Variants in ADAM8 observed in about 807,000 individuals in gnomAD.
ADAM8 encodes the protein disintegrin and metalloproteinase domain-containing protein 8.
In ADAM8, 104 loss-of-function variants were observed where a neutral mutation model predicts 102.4. The ratio of observed to expected loss-of-function variants is 1.02; its 90% CI spans 0.87 to 1.20. ADAM8 has a LOEUF of 1.20. Among genes scored for constraint, ADAM8 ranks in the 50% most tolerant of loss-of-function variants. The pLI, the probability that ADAM8 is intolerant of heterozygous loss-of-function variation, is 0.00. For synonymous variants in ADAM8, 517 were observed against 485.2 expected (o/e 1.07, Z -0.86); for missense variants, 1,132 against 1,159.0 (o/e 0.98, Z 0.34).
chr10:133,271,947 C>T lies in ADAM8; in HGVS notation c.965G>A (p.Ser322Asn). 1.2e-6 allele frequency: 2 copies of T among 1,610,928 alleles called. No homozygotes were observed. Among genetic ancestry groups the T allele is most frequent in the South Asian group, 2.2e-5 (2 of 91,056 alleles). The change falls in exon 11 of 23, where the codon AGC (serine) becomes AAC (asparagine). Residue 322 changes from serine (S) to asparagine (N), a missense_variant. Physicochemically the swap from Ser to Asn is conservative, Grantham distance 46. Coordinates refer to ENST00000445355, the MANE Select transcript of ADAM8 (RefSeq NM_001109.5). ...ACAGGCCACGCCCACGGGGTTCTTG[C>T]TGTGGTCCTGCAGGAGGGTCTGTGC... The part of the protein sequence containing the change: ...HSSGAVNQDH[S>N]KNPVGVACTM...
In ADAM8 at chr10:133,263,117, G is replaced by T; in HGVS notation, c.*39C>A. 1.9e-6 allele frequency: 3 copies of T among 1,610,148 alleles called. No homozygotes were observed. The highest frequency in any genetic ancestry group is 2.6e-6 in the Non-Finnish European group (3 of 1,176,450). ...TGCTGGAACGCATGGCTTCTCTGCC[G>T]CAACTTCTCCAAATTTCCACACAGG... On this transcript the variant is annotated 3_prime_UTR_variant, in exon 23 of 23. Transcript: ENST00000445355.
chr10:133,263,606 G>A, intron 22 of ADAM8, 82 bp downstream of exon 22: 1 of 1,406,798 alleles, frequency 7.1e-7, no homozygotes, highest in Non-Finnish European at 9.5e-7. Flanking sequence ...CACCCTCCAG[G>A]GCAGTGCCAC....
chr10:133,272,789 G>T lies in ADAM8; in HGVS notation c.705+9C>A. 6.2e-7 allele frequency: 1 copy of T among 1,603,974 alleles called. No individual in the cohort carries two copies. The highest frequency in any genetic ancestry group is 1.1e-5 in the South Asian group (1 of 90,660). On this transcript the variant is annotated intron_variant, in intron 8 of 22. Transcript: ENST00000445355. ...CTCTGGCACCTCTGCAGCCAGGACC[G>T]CTGCCCACCTTGTCCACGTGATTCA...
chr10:133,270,722 C>A lies in ADAM8; in HGVS notation c.1634+14G>T, dbSNP rs748994860. The A allele has an allele frequency of 6.9e-5, 102 of 1,470,066 alleles. No individual in the cohort carries two copies. The highest frequency in any genetic ancestry group is 8.3e-5 in the Non-Finnish European group (92 of 1,108,792). The allele number at this position is 1,470,066 out of a possible 1,614,324, so 91.1% of individuals were successfully genotyped here. On this transcript the variant is annotated intron_variant, in intron 15 of 22. Coordinates refer to ENST00000445355, the MANE Select transcript of ADAM8 (RefSeq NM_001109.5). ...AACAGCACATGTCCTGGGCCCAGGG[C>A]GGTCTCAGCTCACCTGTACCGGCTG... is the stretch of plus-strand genomic sequence containing the variant.
At chr10:133,269,273 C>T (rs1316234667) in intron 18 of ADAM8, 172 bp downstream of exon 18, 1 of 885,850 alleles carries the variant, frequency 1.1e-6, no homozygotes, top group Non-Finnish European at 1.4e-6. Context: ...CCCCTCCTCA[C>T]ATCAGCCTGG....
At chr10:133,276,698 G>A (rs1846769271) in intron 1 of ADAM8, 74 bp downstream of exon 1, 1 of 1,506,464 alleles carries the variant, frequency 6.6e-7, no homozygotes, top group Admixed American at 2.1e-5. Flanking sequence ...GGGGCTCGGG[G>A]TCCGCGTCGC....
rs201250612 is a variant in ADAM8, at chr10:133,272,526, C to T, written c.765G>A (p.Gln255=). ...VLVGLEIWNS[Q]DRFHVSPDPS... is the part of the protein sequence containing the mutation. ...GGTCGGGGCTGACGTGGAACCTGTC[C>T]TGACTATTCCAAATCTCCAGGCCCA... The change falls in exon 9 of 23, where the codon CAG becomes CAA. Residue 255 remains glutamine, a synonymous_variant. Coordinates refer to ENST00000445355, the MANE Select transcript of ADAM8 (RefSeq NM_001109.5). 2.4e-5 allele frequency: 38 copies of T among 1,612,088 alleles called. No individual in the cohort carries two copies. Among genetic ancestry groups the T allele is most frequent in the Non-Finnish European group, 3.2e-5 (38 of 1,179,854 alleles).
chr10:133,263,540 C>T (rs1269298787), intron 22 of ADAM8, 148 bp downstream of exon 22: 3 of 631,840 alleles, frequency 4.7e-6, no homozygotes, highest in Non-Finnish European at 7.4e-6. Flanking sequence ...CTGCCAATGC[C>T]TTTCCCTTTT....
rs201827043 is a variant in ADAM8 at position 133,268,862 on chromosome 10, G to C, written c.1949C>G (p.Ala650Gly). The change falls in exon 19 of 23, where the codon GCG (alanine) becomes GGG (glycine). Residue 650 changes from alanine (A) to glycine (G), a missense_variant and splice_region_variant. By Grantham distance (60) the Ala-to-Gly change is moderately conservative (BLOSUM62 0). Coordinates refer to ENST00000445355, the MANE Select transcript of ADAM8 (RefSeq NM_001109.5). ...CACGAAGACGGGGAGGCTCCCGGACGCTGTGGGACACACGGCCCCACATCA... is the reference window on the plus strand; with the variant it reads ...CACGAAGACGGGGAGGCTCCCGGACCCTGTGGGACACACGGCCCCACATCA... ...CAKLLTEVHAASGSLPVFVVV... is the reference protein window; with the variant it reads ...CAKLLTEVHAGSGSLPVFVVV... 1.2e-6 allele frequency: 2 copies of C among 1,604,988 alleles called. No homozygotes were observed. The highest frequency in any genetic ancestry group is 2.7e-5 in the African/African-American group (2 of 74,938).
intron 11 of ADAM8, 34 bp downstream of exon 11, chr10:133,271,772 C>A (rs1275611639): frequency 2.5e-6 from 4 of 1,603,182 alleles, no homozygotes; most frequent in South Asian, 2.2e-5. Flanking sequence ...GTACCTCCAG[C>A]ATACCCTGGC....
chr10:133,270,627 G>A, intron 15 of ADAM8, 109 bp downstream of exon 15: 4 of 1,532,776 alleles, frequency 2.6e-6, no homozygotes, highest in Non-Finnish European at 2.7e-6. Context: ...GGGGTCCATG[G>A]GTCCAGAGCA....
At chr10:133,269,633 G>A (rs947594782) in intron 17 of ADAM8, 104 bp from the exon 18 acceptor site, 120 of 1,218,636 alleles carry the variant, frequency 9.8e-5, no homozygotes, top group Non-Finnish European at 1.3e-4. Flanking sequence ...CACCCCCGAG[G>A]GCCCCTCGGT....
chr10:133,263,824 G>C, intron 21 of ADAM8, 59 bp from the exon 22 acceptor site: 2 of 1,340,638 alleles, frequency 1.5e-6, no homozygotes, highest in Admixed American at 5.8e-5. Flanking sequence ...CTCTAGCCTG[G>C]ACATCACCTT....
Position 133,269,477 on chromosome 10 carries a change from TG to T in ADAM8, c.1915del (p.His639ThrfsTer6). 6.2e-7 allele frequency: 1 copy of T among 1,600,128 alleles called. No homozygotes were observed. Among genetic ancestry groups the T allele is most frequent in the Non-Finnish European group, 8.5e-7 (1 of 1,178,316 alleles). On this transcript the variant is annotated frameshift_variant, in exon 18 of 23. Coordinates refer to ENST00000445355, the MANE Select transcript of ADAM8 (RefSeq NM_001109.5). LOFTEE classifies it high-confidence loss of function. Reference sequence around the variant, plus strand: ...CACCTCAGTCAGCAGCTTCGCGCAGTGGGGCGGGGCCCAGCCCGCGTGGCAG... The same window carrying T: ...CACCTCAGTCAGCAGCTTCGCGCAGTGGGCGGGGCCCAGCCCGCGTGGCAG... ...CHCHAGWAPP[H>X]CAKLLTEVHA...
chr10:133,263,384 G>T, intron 22 of ADAM8, 151 bp from the exon 23 acceptor site: 1 of 782,470 alleles, frequency 1.3e-6, no homozygotes, highest in Non-Finnish European at 2.0e-6. Context: ...CACAATGGCA[G>T]GTGTGGCAGT....
chr10:133,267,545 C>T, intron 20 of ADAM8, 128 bp from the exon 21 acceptor site: 3 of 939,548 alleles, frequency 3.2e-6, no homozygotes, highest in Non-Finnish European at 3.1e-6. Flanking sequence ...GCCCACAGGG[C>T]CCCACCCCAG....
chr10:133,271,946 G>A lies in ADAM8; in HGVS notation c.966C>T (p.Ser322=), dbSNP rs767064856. ...TACAGGCCACGCCCACGGGGTTCTT[G>A]CTGTGGTCCTGCAGGAGGGTCTGTG... is the stretch of plus-strand genomic sequence containing the variant. ...HSSGAVNQDH[S]KNPVGVACTM... Residue 322 remains serine, a synonymous_variant, in exon 11 of 23, where the codon AGC becomes AGT. Coordinates refer to ENST00000445355, the MANE Select transcript of ADAM8 (RefSeq NM_001109.5). 1.1e-5 allele frequency: 18 copies of A among 1,610,956 alleles called. No individual in the cohort carries two copies. The Admixed American group carries it at 3.0e-4, about 27-fold the overall frequency.
rs1846236907 is a variant in ADAM8, at chr10:133,263,740, G to A, written c.2345C>T (p.Pro782Leu). 3.9e-6 allele frequency: 6 copies of A among 1,534,708 alleles called. No individual in the cohort carries two copies. In the East Asian group the frequency reaches 1.5e-4, roughly 38 times the overall value. ...KQVIKPTFAP[P>L]VPPVKPGAGA... ...AGCCCCGGGTTTGACTGGGGGCACT[G>A]GGGGTGCGAACGTTGGCTTGATGAC... is the stretch of plus-strand genomic sequence containing the variant. Residue 782 changes from proline (P) to leucine (L), a missense_variant, in exon 22 of 23, where the codon CCA (proline) becomes CTA (leucine). Pro to Leu is a moderately conservative substitution (Grantham distance 98). Coordinates refer to ENST00000445355, the MANE Select transcript of ADAM8 (RefSeq NM_001109.5).
rs1433768896 is a variant in ADAM8, at chr10:133,275,518, C to T, written c.116G>A (p.Gly39Asp). Residue 39 changes from glycine to aspartate, a missense_variant, in exon 2 of 23, where the codon GGC becomes GAC. Coordinates refer to ENST00000445355, the MANE Select transcript of ADAM8 (RefSeq NM_001109.5). ...GGGCAGAGCTCGGCGGACTCGGGGG[C>T]CTGGCAGACGCCACGGCAACACGAC... ...YEVVLPWRLPGPRVRRALPSH... is the reference protein window; with the variant it reads ...YEVVLPWRLPDPRVRRALPSH... The T allele has an allele frequency of 6.5e-7, 1 of 1,527,250 alleles. No individual in the cohort carries two copies. The highest frequency in any genetic ancestry group is 1.2e-5 in the South Asian group (1 of 80,196). 94.6% of individuals were successfully genotyped at this position (1,527,250 alleles called of 1,614,324 possible). A position where few individuals can be genotyped will look rare whatever the true frequency, so the allele number is the denominator to read the frequency against.
Sources: allele counts gnomAD v4.1 joint callset, GRCh38; gene constraint gnomAD v4.1.1; transcripts MANE v1.5; gene names NCBI Gene and HGNC (gene_info 2026-07-23, HGNC 2026-07-21).